Variants in LMNTD1 observed in about 807,000 individuals in gnomAD.
The protein encoded by LMNTD1 is lamin tail domain containing 1.
LMNTD1 carries 35 observed loss-of-function variants against 50.9 expected under a neutral mutation model. The ratio of observed to expected loss-of-function variants is 0.69; its 90% CI spans 0.53 to 0.91. The LOEUF is 0.91. Among genes scored for constraint, LMNTD1 ranks in the 40% least tolerant of loss-of-function variants. The pLI is 0.00. For synonymous variants in LMNTD1, 153 were observed against 161.9 expected (o/e 0.94, Z 0.42); for missense variants, 470 against 475.5 (o/e 0.99, Z 0.11).
upstream of LMNTD1, among the ~76,000 whole-genome samples, chr12:25,555,264 A>G (rs900894682): frequency 3.9e-5 from 6 of 152,232 alleles, no homozygotes; most frequent in African/African-American, 1.4e-4. Context: ...AAATTACATC[A>G]CCAATAGCAA....
intron 1 of LMNTD1, among the ~76,000 whole-genome samples, chr12:25,577,657 T>G (rs1945091827): frequency 6.6e-6 from 1 of 152,210 alleles, no homozygotes; most frequent in Admixed American, 6.5e-5. Flanking sequence ...CCTCTTTTCC[T>G]AATTGAATAC....
Position 25,586,626 on chromosome 12 carries a change from A to G in LMNTD1, c.59-40072T>C, listed in dbSNP as rs551600202. 5.3e-5 allele frequency among the ~76,000 whole-genome samples: 8 copies of G among 152,296 alleles called. 1 individual carries two copies. In the East Asian group the frequency reaches 1.2e-3, roughly 22 times the overall value. On this transcript the variant is annotated intron_variant, in intron 1 of 7. Coordinates refer to the LMNTD1 transcript ENST00000445693. ...TCTCAGAAAGACCATTGGCAGGCAC[A>G]GTTTGCCCTCATTTGCTTTGTCCTT... is the stretch of plus-strand genomic sequence containing the variant.
At chr12:25,509,378 G>A (rs1940083553) in intron 8 of LMNTD1, among the ~76,000 whole-genome samples, 1 of 152,184 alleles carries the variant, frequency 6.6e-6, no homozygotes, top group Non-Finnish European at 1.5e-5. Context: ...AAAGTGCTGG[G>A]ATTACTGGCA....
intron 1 of LMNTD1, among the ~76,000 whole-genome samples, chr12:25,602,124 C>T (rs1945993120): frequency 6.6e-6 from 1 of 151,696 alleles, no homozygotes; most frequent in Admixed American, 6.6e-5. Context: ...ATTAATGATA[C>T]CAGAAAGAAG....
chr12:25,580,485 G>C (rs1477810794), intron 1 of LMNTD1, among the ~76,000 whole-genome samples: 6 of 152,074 alleles, frequency 3.9e-5, no homozygotes, highest in Non-Finnish European at 8.8e-5. Flanking sequence ...ACGAGATTAA[G>C]GGCAAGGGCT....
chr12:25,565,335 T>C (rs942688847), intron 1 of LMNTD1, among the ~76,000 whole-genome samples: 1 of 152,150 alleles, frequency 6.6e-6, no homozygotes, highest in Non-Finnish European at 1.5e-5. Flanking sequence ...TTTTATTTTT[T>C]GTGTATCCAT....
At chr12:25,576,576 T>C (rs185846807) in intron 1 of LMNTD1, among the ~76,000 whole-genome samples, 2 of 152,352 alleles carry the variant, frequency 1.3e-5, no homozygotes, top group East Asian at 3.9e-4. Context: ...AAGTTCTTTG[T>C]AGATTCTGGA....
intron 1 of LMNTD1, among the ~76,000 whole-genome samples, chr12:25,591,811 CAGAGAGAGAGAGAGAGAGAG>C (rs58392351): frequency 2.6e-4 from 23 of 90,090 alleles, no homozygotes; most frequent in East Asian, 2.4e-3. Context: ...TAGCTCAGAA[CAGAGAGAGAGAGAGAGAGAG>C]AGAGAGAGAG....
intron 1 of LMNTD1, among the ~76,000 whole-genome samples, chr12:25,612,147 G>A (rs1210788574): frequency 6.6e-6 from 1 of 152,146 alleles, no homozygotes; most frequent in African/African-American, 2.4e-5. Flanking sequence ...GAAAAATACT[G>A]TGGCTTTAGA....
intron 4 of LMNTD1, among the ~76,000 whole-genome samples, chr12:25,528,944 C>T (rs758375709): frequency 3.9e-5 from 6 of 152,168 alleles, no homozygotes; most frequent in Non-Finnish European, 8.8e-5. Flanking sequence ...ACTGCCATCA[C>T]AACCTAGCTT....
rs531678394 is a variant in LMNTD1, at chr12:25,634,960, G to C, written c.58+13534C>G. On this transcript the variant is annotated intron_variant, in intron 1 of 7. Coordinates refer to the LMNTD1 transcript ENST00000445693. ...AGAACTTATAAAAAAAATTCAGCAG[G>C]CTGGGCGCAGTGGCTCATGCCTGTA... 3.3e-5 allele frequency among the ~76,000 whole-genome samples: 5 copies of C among 152,278 alleles called. No homozygotes were observed. In the South Asian group the frequency reaches 1.0e-3, roughly 32 times the overall value.
chr12:25,557,410 G>A (rs187127796), upstream of LMNTD1: 1 of 152,302 alleles, frequency 6.6e-6, no homozygotes, highest in East Asian at 1.9e-4. Flanking sequence ...CTGCATTTCT[G>A]AGGCTGAGTC....
At position 25,602,799 on chromosome 12, in the gene LMNTD1, GA is replaced by G. The variant is rs559952784; in HGVS notation, c.58+45694del. 2.7e-4 allele frequency among the ~76,000 whole-genome samples: 41 copies of G among 150,968 alleles called. 1 individual carries two copies. Among genetic ancestry groups the G allele is most frequent in the African/African-American group, 7.0e-4 (29 of 41,216 alleles). ...TAAAGGCAGATGGGAAGAGGAGAGG[GA>G]AAAAAAAATCAGCTGAAACAAACGA... On this transcript the variant is annotated intron_variant, in intron 1 of 7. Coordinates refer to the LMNTD1 transcript ENST00000445693.
intron 1 of LMNTD1, among the ~76,000 whole-genome samples, chr12:25,576,035 G>A (rs1192360554): frequency 1.3e-5 from 2 of 152,122 alleles, no homozygotes; most frequent in African/African-American, 2.4e-5. Flanking sequence ...CTTTTTTATG[G>A]CTGCATAGTA....
At chr12:25,484,137 T>A (rs917096476) in intron 9 of LMNTD1, among the ~76,000 whole-genome samples, 16 of 152,082 alleles carry the variant, frequency 1.1e-4, no homozygotes, top group African/African-American at 2.9e-4. Flanking sequence ...TTAGAAAATA[T>A]ACTTTATCCA....
intron 4 of LMNTD1, among the ~76,000 whole-genome samples, chr12:25,530,684 C>A (rs1237244545): frequency 6.6e-6 from 1 of 152,110 alleles, no homozygotes; most frequent in Non-Finnish European, 1.5e-5. Flanking sequence ...TTGGACAAGT[C>A]CCCTCTCATT....
intron 1 of LMNTD1, among the ~76,000 whole-genome samples, chr12:25,584,507 A>T (rs1361400354): frequency 2.0e-5 from 3 of 152,178 alleles, no homozygotes; most frequent in African/African-American, 7.2e-5. Flanking sequence ...ATGCCTGAGG[A>T]CATTTTATAG....
intron 1 of LMNTD1, among the ~76,000 whole-genome samples, chr12:25,576,552 T>A (rs1446467925): frequency 6.6e-6 from 1 of 152,254 alleles, no homozygotes; most frequent in Non-Finnish European, 1.5e-5. Context: ...GATTTTTTTC[T>A]TGTAAATTTG....
At chr12:25,526,567 A>G (rs1941726943) in intron 5 of LMNTD1, among the ~76,000 whole-genome samples, 1 of 152,206 alleles carries the variant, frequency 6.6e-6, no homozygotes, top group South Asian at 2.1e-4. Flanking sequence ...AATTGAAGAC[A>G]GCTGTGGAAA....
Sources: allele counts gnomAD v4.1 joint callset (sites outside exome capture counted in the v4.1 genomes callset), GRCh38; gene constraint gnomAD v4.1.1; transcripts MANE v1.5; gene names NCBI Gene and HGNC (gene_info 2026-07-23, HGNC 2026-07-21).